Variants in DCHS1 observed in about 807,000 individuals in gnomAD.
The protein encoded by DCHS1 is dachsous cadherin-related 1.
A neutral mutation model predicts 213.9 loss-of-function variants in DCHS1; 78 were observed. The ratio of observed to expected loss-of-function variants is 0.36; its 90% CI spans 0.30 to 0.44. The LOEUF (loss-of-function observed/expected upper bound fraction) is 0.44, where lower values mean the gene tolerates loss of function less well. DCHS1 is among the 20% of genes least tolerant of loss of function. The probability of loss-of-function intolerance (pLI) is 1.00; values close to 1 mark genes in which losing one functional copy is unlikely to be tolerated. For missense variants in DCHS1, 3,946 were observed against 4,395.9 expected (o/e 0.90, Z 2.89); for synonymous variants, 1,828 against 1,873.7 (o/e 0.98, Z 0.63).
rs1218171136 is a variant in DCHS1, at chr11:6,624,878, G to A, written c.7147-10C>T. The A allele has an allele frequency of 1.9e-6, 3 of 1,613,376 alleles. No individual in the cohort carries two copies. Among genetic ancestry groups the A allele is most frequent in the East Asian group, 2.2e-5 (1 of 44,876 alleles). On this transcript the variant is annotated splice_polypyrimidine_tract_variant and intron_variant, in intron 19 of 20. Coordinates refer to ENST00000299441, the MANE Select transcript of DCHS1 (RefSeq NM_003737.4). ...GCTCAAGCAGCATTACCTGAAGTGT[G>A]AGGAAAAGTGCTTATTGCCAGGCTT...
chr11:6,647,359 AG>A (rs558345495), intron 1 of DCHS1, among the ~76,000 whole-genome samples: 356 of 152,082 alleles, frequency 2.3e-3, no homozygotes, highest in Middle Eastern at 6.8e-3. Context: ...AAGAAGGAGG[AG>A]GGGGCTCAGG....
chr11:6,649,031 T>G (rs1439717265), intron 1 of DCHS1, among the ~76,000 whole-genome samples: 1 of 152,048 alleles, frequency 6.6e-6, no homozygotes, highest in Non-Finnish European at 1.5e-5. Context: ...TGAGAGTTAA[T>G]GAAATAATGC....
rs749959353 is a variant in DCHS1, at chr11:6,624,868, C to T, written c.7147G>A (p.Val2383Ile). ...APAFSQSLYQ[V>I]MLLEHTPPGS... Reference sequence around the variant, plus strand: ...GGGGGTGTGTGCTCAAGCAGCATTACCTGAAGTGTGAGGAAAAGTGCTTAT... The same window carrying T: ...GGGGGTGTGTGCTCAAGCAGCATTATCTGAAGTGTGAGGAAAAGTGCTTAT... Residue 2383 changes from valine to isoleucine, a missense_variant and splice_region_variant, in exon 20 of 21, where the codon GTA becomes ATA. Coordinates refer to ENST00000299441, the MANE Select transcript of DCHS1 (RefSeq NM_003737.4). 6 of 1,613,758 alleles carry T rather than the reference C, an allele frequency of 3.7e-6. No homozygotes were observed. The highest frequency in any genetic ancestry group is 1.7e-5 in the Admixed American group (1 of 59,998).
Position 6,624,090 on chromosome 11 carries a change from C to T in DCHS1, c.7586G>A (p.Arg2529Gln), listed in dbSNP as rs1343895091. The change falls in exon 21 of 21, where the codon CGA (arginine) becomes CAA (glutamine). Residue 2529 changes from arginine (R) to glutamine (Q), a missense_variant. By Grantham distance (43) the Arg-to-Gln change is conservative (BLOSUM62 1). Coordinates refer to ENST00000299441, the MANE Select transcript of DCHS1 (RefSeq NM_003737.4). Reference protein sequence around the residue: ...DYSIISGNWGRVFQLEPRLAE... With the variant: ...DYSIISGNWGQVFQLEPRLAE... ...CAGCCTGGGTTCCAGCTGGAAGACTCGGCCCCAGTTGCCACTGATGATGCT... is the reference window on the plus strand; with the variant it reads ...CAGCCTGGGTTCCAGCTGGAAGACTTGGCCCCAGTTGCCACTGATGATGCT... 1.2e-6 allele frequency: 2 copies of T among 1,612,160 alleles called. No individual in the cohort carries two copies. Among genetic ancestry groups the T allele is most frequent in the South Asian group, 1.1e-5 (1 of 90,932 alleles).
chr11:6,634,570 G>C (rs111738795), intron 2 of DCHS1, among the ~76,000 whole-genome samples: 1 of 152,164 alleles, frequency 6.6e-6, no homozygotes, highest in African/African-American at 2.4e-5. Flanking sequence ...GACATCTTAT[G>C]TTTAATATAC....
chr11:6,626,141 C>T lies in DCHS1; in HGVS notation c.6576+28G>A, dbSNP rs761937852. 21 of 1,595,210 alleles carry T rather than the reference C, an allele frequency of 1.3e-5. No individual in the cohort carries two copies. The highest frequency in any genetic ancestry group is 6.8e-5 in the South Asian group (6 of 88,390). ...ACAAGTCTGACTAGCCCTGCTCCCCCGCCCAATCTTTCCATCACACCCCGC... is the reference window on the plus strand; with the variant it reads ...ACAAGTCTGACTAGCCCTGCTCCCCTGCCCAATCTTTCCATCACACCCCGC... On this transcript the variant is annotated intron_variant, in intron 16 of 20. Coordinates refer to ENST00000299441, the MANE Select transcript of DCHS1 (RefSeq NM_003737.4). This position sits in a 1 kb window ranked among gnomAD's most constrained non-coding sequence, Gnocchi z 5.2.
At position 6,628,058 on chromosome 11, in the gene DCHS1, CAG is replaced by C. The variant is rs1855840190; in HGVS notation, c.5372-393_5372-392del. On this transcript the variant is annotated intron_variant, in intron 13 of 20. Transcript: ENST00000299441. This position sits in a 1 kb window ranked among gnomAD's most constrained non-coding sequence, Gnocchi z 4.3. The stretch of plus-strand genomic sequence containing the variant: ...CCTGTGTGTTCTAGAATATTCTAGA[CAG>C]AAAGTTTAGAGCATGAATCTGTGTG... Among the ~76,000 whole-genome samples the C allele has an allele frequency of 6.6e-6, 1 of 152,194 alleles. No individual in the cohort carries two copies. Among genetic ancestry groups the C allele is most frequent in the African/African-American group, 2.4e-5 (1 of 41,448 alleles).
In DCHS1 at chr11:6,633,108, G is replaced by A. The variant is rs1855937671; in HGVS notation, c.2456-52C>T. On this transcript the variant is annotated intron_variant, in intron 5 of 20. Coordinates refer to ENST00000299441, the MANE Select transcript of DCHS1 (RefSeq NM_003737.4). ...AAAGAGATGGAGGGGCACTTATTGA[G>A]TCAGGACCCAGAGTCTGATCCCGAG... The A allele has an allele frequency of 1.9e-6, 3 of 1,548,530 alleles. No individual in the cohort carries two copies. The Admixed American group carries it at 5.4e-5, about 28-fold the overall frequency.
In DCHS1 at chr11:6,627,723, T is replaced by A; in HGVS notation, c.5372-56A>T. On this transcript the variant is annotated intron_variant, in intron 13 of 20. Transcript: ENST00000299441. This position sits in a 1 kb window ranked among gnomAD's most constrained non-coding sequence, Gnocchi z 5.4. ...ACATGTGTCGTGGGGATGGGGGTGATTTACAGACAACAGGAGAGAGTGAGC... is the reference window on the plus strand; with the variant it reads ...ACATGTGTCGTGGGGATGGGGGTGAATTACAGACAACAGGAGAGAGTGAGC... 1 of 1,556,170 alleles carries A rather than the reference T, an allele frequency of 6.4e-7. No homozygotes were observed. The highest frequency in any genetic ancestry group is 1.8e-5 in the Admixed American group (1 of 56,454).
At position 6,630,436 on chromosome 11, in the gene DCHS1, G is replaced by A. The variant is rs761040392; in HGVS notation, c.4358C>T (p.Ala1453Val). ...LALPENPEPGAALYTFRASDA... is the reference protein window; with the variant it reads ...LALPENPEPGVALYTFRASDA... ...CGACGCGCGGAAAGTGTACAGCGCT[G>A]CGCCGGGCTCCGGGTTCTCTGGCAG... Residue 1453 changes from alanine (A) to valine (V), a missense_variant, in exon 10 of 21, where the codon GCA becomes GTA. By Grantham distance (64) the Ala-to-Val change is moderately conservative (BLOSUM62 0). This residue lies in a region of DCHS1 where 3,384 missense variants were observed against 3,780.1 expected (regional missense o/e 0.90). Transcript: ENST00000299441. 1 of 1,503,444 alleles carries A rather than the reference G, an allele frequency of 6.7e-7. No individual in the cohort carries two copies. The highest frequency in any genetic ancestry group is 2.7e-5 in the East Asian group (1 of 37,618). 93.1% of individuals were successfully genotyped at this position (1,503,444 alleles called of 1,614,324 possible).
At chr11:6,630,972 T>A (rs1430049140) in intron 9 of DCHS1, 81 bp downstream of exon 9, 1 of 1,526,666 alleles carries the variant, frequency 6.6e-7, no homozygotes. Flanking sequence ...TGACTGCTAG[T>A]GGAGCCAAAG....
In DCHS1 at chr11:6,632,876, C is replaced by T. The variant is rs1195478404; in HGVS notation, c.2636G>A (p.Arg879Gln). 6 of 1,613,984 alleles carry T rather than the reference C, an allele frequency of 3.7e-6. No homozygotes were observed. Among genetic ancestry groups the T allele is most frequent in the East Asian group, 2.2e-5 (1 of 44,886 alleles). The change falls in exon 6 of 21, where the codon CGG becomes CAG. Residue 879 changes from arginine (R) to glutamine (Q), a missense_variant. Around this residue, in one of 3 missense-constraint regions of DCHS1, gnomAD observed 3,384 missense variants for 3,780.1 expected, o/e 0.90. Transcript: ENST00000299441. The surrounding 1 kb of genome is among the most constrained non-coding windows in gnomAD (Gnocchi z 5.9). ...CACATCATCCAGCAGCACACGCACC[C>T]GAGCTACAGCGAAAGCTGGGGGCAC... ...SGVPPAFAVA[R>Q]VRVLLDDVND...
chr11:6,633,733 TAG>T, intron 4 of DCHS1, 54 bp downstream of exon 4: 1 of 1,599,512 alleles, frequency 6.3e-7, no homozygotes, highest in Non-Finnish European at 8.5e-7. Context: ...GGACATCATT[TAG>T]GCAGGTGGGG....
chr11:6,625,402 G>C lies in DCHS1; in HGVS notation c.6942C>G (p.Ser2314Arg). Residue 2314 changes from serine (S) to arginine (R), a missense_variant, in exon 19 of 21, where the codon AGC (serine) becomes AGG (arginine). Coordinates refer to ENST00000299441, the MANE Select transcript of DCHS1 (RefSeq NM_003737.4). This position sits in a 1 kb window ranked among gnomAD's most constrained non-coding sequence, Gnocchi z 5.3. ...TGAAGGGATCCTGGGGCCCAGATGG[G>C]CTTAGCACATACCACAGCACGGGTC... is the stretch of plus-strand genomic sequence containing the variant. ...DSGPVLWYVL[S>R]PSGPQDPFSV... 6.2e-7 allele frequency: 1 copy of C among 1,610,438 alleles called. No homozygotes were observed. Among genetic ancestry groups the C allele is most frequent in the Non-Finnish European group, 8.5e-7 (1 of 1,177,974 alleles).
In DCHS1 at chr11:6,622,490, G is replaced by A. The variant is rs143021997; in HGVS notation, c.9186C>T (p.Ala3062=). 5.2e-5 allele frequency: 82 copies of A among 1,572,772 alleles called. No individual in the cohort carries two copies. In the African/African-American group the frequency reaches 1.0e-3, roughly 19 times the overall value. ...RVASVASSLA[A]RGPDSGIQQD... Reference sequence around the variant, plus strand: ...GCTGGATGCCTGAGTCAGGGCCACGGGCAGCCAGAGAGGAGGCCACACTGG... The same window carrying A: ...GCTGGATGCCTGAGTCAGGGCCACGAGCAGCCAGAGAGGAGGCCACACTGG... The change falls in exon 21 of 21, where the codon GCC becomes GCT. Residue 3062 remains alanine (A), a synonymous_variant. Coordinates refer to ENST00000299441, the MANE Select transcript of DCHS1 (RefSeq NM_003737.4). This position sits in a 1 kb window ranked among gnomAD's most constrained non-coding sequence, Gnocchi z 5.4.
rs1855837278 is a variant in DCHS1 at position 6,627,848 on chromosome 11, G to T, written c.5372-181C>A. 6.6e-6 allele frequency among the ~76,000 whole-genome samples: 1 copy of T among 152,194 alleles called. No individual in the cohort carries two copies. Among genetic ancestry groups the T allele is most frequent in the East Asian group, 1.9e-4 (1 of 5,204 alleles). On this transcript the variant is annotated intron_variant, in intron 13 of 20. Transcript: ENST00000299441. This position sits in a 1 kb window ranked among gnomAD's most constrained non-coding sequence, Gnocchi z 5.4. ...AAAGCAGCTGGTATCATTTGTGTGT[G>T]GTCTGGGAACCCCGGGAGTCCCCCA...
chr11:6,631,950 G>T, intron 6 of DCHS1, 81 bp downstream of exon 6: 2 of 1,461,534 alleles, frequency 1.4e-6, no homozygotes, highest in Non-Finnish European at 1.8e-6. Flanking sequence ...GATGGGAGCT[G>T]GGGGTTGGGG....
At chr11:6,645,563 C>T (rs1856142468) in intron 1 of DCHS1, among the ~76,000 whole-genome samples, 1 of 152,158 alleles carries the variant, frequency 6.6e-6, no homozygotes, top group Non-Finnish European at 1.5e-5. Context: ...TAGCATGGAG[C>T]ACAGCATATA....
At chr11:6,629,284 C>G (rs1855861788) in intron 12 of DCHS1, among the ~76,000 whole-genome samples, 168 bp downstream of exon 12, 1 of 152,184 alleles carries the variant, frequency 6.6e-6, no homozygotes, top group Non-Finnish European at 1.5e-5. Flanking sequence ...GTCAGTTGAC[C>G]TTGCACCCTG....
Sources: allele counts gnomAD v4.1 joint callset (sites outside exome capture counted in the v4.1 genomes callset), GRCh38; gene constraint gnomAD v4.1.1; regional missense constraint gnomAD v4.1.1; non-coding constraint Gnocchi (gnomAD v3.1); transcripts MANE v1.5; gene names NCBI Gene and HGNC (gene_info 2026-07-23, HGNC 2026-07-21).